Variants in TP63 observed in about 807,000 individuals in gnomAD.
The protein encoded by TP63 is tumor protein p63, also known as tumor protein 63.
TP63 carries 17 observed loss-of-function variants against 82.8 expected under a neutral mutation model. The observed-to-expected ratio is 0.21, with a 90% CI of 0.14 to 0.31. TP63 has a LOEUF of 0.31. Among genes scored for constraint, TP63 ranks in the 10% least tolerant of loss-of-function variants. The pLI, the probability that TP63 is intolerant of heterozygous loss-of-function variation, is 1.00. For missense variants in TP63, 648 were observed against 895.3 expected (o/e 0.72, Z 3.52); for synonymous variants, 330 against 321.7 (o/e 1.03, Z -0.28).
At chr3:189,755,888 G>A (rs1462954354) in intron 3 of TP63, among the ~76,000 whole-genome samples, 2 of 152,158 alleles carry the variant, frequency 1.3e-5, no homozygotes, top group Non-Finnish European at 2.9e-5. Context: ...AATTGCAATA[G>A]TGTCTCTCGA....
intron 1 of TP63, among the ~76,000 whole-genome samples, chr3:189,668,176 A>G (rs749012375): frequency 2.2e-4 from 33 of 152,160 alleles, no homozygotes; most frequent in Non-Finnish European, 4.0e-4. Context: ...AGTTTAAGGT[A>G]AATAGGCTAT....
intron 4 of TP63, among the ~76,000 whole-genome samples, chr3:189,841,630 A>G (rs939976766): frequency 6.6e-6 from 1 of 152,220 alleles, no homozygotes; most frequent in African/African-American, 2.4e-5. Flanking sequence ...ATCGCCAAGG[A>G]TACCTGAGTC....
At chr3:189,668,699 G>C (rs1438713514) in intron 1 of TP63, among the ~76,000 whole-genome samples, 1 of 151,964 alleles carries the variant, frequency 6.6e-6, no homozygotes, top group Non-Finnish European at 1.5e-5. Flanking sequence ...AGTGAGAAAG[G>C]GGTGAAAAAA....
chr3:189,605,716 T>C, the TP63 span, among the ~76,000 whole-genome samples: 1 of 152,298 alleles, frequency 6.6e-6, no homozygotes, highest in African/African-American at 2.4e-5. Context: ...AACAACTAAA[T>C]TCTTAGTAAA....
chr3:189,603,494 T>C, the TP63 span, among the ~76,000 whole-genome samples: 2 of 151,896 alleles, frequency 1.3e-5, no homozygotes, highest in Non-Finnish European at 2.9e-5. Context: ...GATTTCTTCC[T>C]CTGAGAGGGT....
At chr3:189,789,898 TG>T in intron 3 of TP63, 1 of 1,480,560 alleles carries the variant, frequency 6.8e-7, no homozygotes, top group Non-Finnish European at 9.0e-7. Context: ...TTTTTATTTT[TG>T]TAAAAAAACT....
intron 1 of TP63, among the ~76,000 whole-genome samples, chr3:189,695,279 G>A (rs1431367600): frequency 2.6e-5 from 4 of 151,546 alleles, no homozygotes; most frequent in Non-Finnish European, 5.9e-5. Flanking sequence ...TCCAGTTTTG[G>A]CCATTGAAAG....
chr3:189,777,451 T>C (rs1723888099), intron 3 of TP63, among the ~76,000 whole-genome samples: 1 of 152,032 alleles, frequency 6.6e-6, no homozygotes, highest in East Asian at 1.9e-4. Flanking sequence ...CCCGCCTCCG[T>C]CTCCCAAAAT....
intron 1 of TP63, among the ~76,000 whole-genome samples, chr3:189,661,028 C>T (rs553792172): frequency 5.3e-5 from 8 of 151,874 alleles, no homozygotes; most frequent in Admixed American, 5.3e-4. Flanking sequence ...CAAAGAGAGA[C>T]TTTGACTTCT....
intron 13 of TP63, 50 bp from the exon 14 acceptor site, chr3:189,894,156 C>T (rs751876559): frequency 6.2e-6 from 10 of 1,610,192 alleles, no homozygotes; most frequent in African/African-American, 1.3e-5. Flanking sequence ...ACTAAATGTC[C>T]GTTTTTCTCC....
intron 3 of TP63, among the ~76,000 whole-genome samples, chr3:189,762,618 G>T (rs1043543549): frequency 5.3e-5 from 8 of 152,222 alleles, no homozygotes; most frequent in Admixed American, 6.5e-5. Flanking sequence ...TGATTATTCA[G>T]TGGTTGGCTA....
At chr3:189,756,995 G>A (rs1722233407) in intron 3 of TP63, among the ~76,000 whole-genome samples, 1 of 152,156 alleles carries the variant, frequency 6.6e-6, no homozygotes, top group Non-Finnish European at 1.5e-5. Flanking sequence ...AATCTGATTT[G>A]TTTGAAGTAA....
chr3:189,886,441 T>C lies in TP63; in HGVS notation c.1397T>C (p.Leu466Pro), dbSNP rs760545564. Reference sequence around the variant, plus strand: ...TCATATGGTAACAGCTCCCCACCTCTGAACAAAATGAACAGCATGAACAAG... The same window carrying C: ...TCATATGGTAACAGCTCCCCACCTCCGAACAAAATGAACAGCATGAACAAG... ...PSSYGNSSPP[L>P]NKMNSMNKLP... is the part of the protein sequence containing the mutation. The change falls in exon 11 of 14, where the codon CTG becomes CCG. Residue 466 changes from leucine to proline, a missense_variant. Leu to Pro is a moderately conservative substitution (Grantham distance 98). This residue lies in a region of TP63 where 342 missense variants were observed against 425.7 expected (regional missense o/e 0.80). Coordinates refer to ENST00000264731, the MANE Select transcript of TP63 (RefSeq NM_003722.5). 2 of 1,614,098 alleles carry C rather than the reference T, an allele frequency of 1.2e-6. No homozygotes were observed. The highest frequency in any genetic ancestry group is 1.6e-4 in the Middle Eastern group (1 of 6,062).
chr3:189,683,540 C>G (rs1716157294), intron 1 of TP63, among the ~76,000 whole-genome samples: 1 of 152,202 alleles, frequency 6.6e-6, no homozygotes, highest in Non-Finnish European at 1.5e-5. Flanking sequence ...GCAGCAGACA[C>G]AGGAAACAGG....
intron 10 of TP63, among the ~76,000 whole-genome samples, chr3:189,873,916 A>G (rs780352973): frequency 7.2e-5 from 11 of 152,204 alleles, no homozygotes; most frequent in Admixed American, 1.3e-4. Context: ...TAGACTTTCA[A>G]CTTCATACTT....
At chr3:189,801,633 G>A (rs1207681982) in intron 3 of TP63, among the ~76,000 whole-genome samples, 1 of 152,064 alleles carries the variant, frequency 6.6e-6, no homozygotes, top group South Asian at 2.1e-4. Context: ...TGTGTCAAAT[G>A]TTTGTTGACA....
intron 3 of TP63, among the ~76,000 whole-genome samples, chr3:189,787,800 C>A (rs908040777): frequency 6.6e-6 from 1 of 151,922 alleles, no homozygotes; most frequent in Admixed American, 6.6e-5. Flanking sequence ...TCATTGATTC[C>A]CAAGCGTGAC....
At chr3:189,715,684 T>C (rs1011267203) in intron 1 of TP63, among the ~76,000 whole-genome samples, 5 of 152,326 alleles carry the variant, frequency 3.3e-5, no homozygotes, top group African/African-American at 9.6e-5. Flanking sequence ...CAGCTAGCCA[T>C]GTGAAGAATT....
chr3:189,851,372 C>T (rs1218244221), intron 4 of TP63, among the ~76,000 whole-genome samples: 1 of 151,724 alleles, frequency 6.6e-6, no homozygotes, highest in African/African-American at 2.4e-5. Flanking sequence ...CCAGCCTGGG[C>T]AACATGGGGG....
Sources: gnomAD v4.1 joint callset for allele counts (sites outside exome capture counted in the v4.1 genomes callset) on GRCh38, gnomAD v4.1.1 for gene constraint, gnomAD v4.1.1 regional missense constraint, MANE v1.5 for transcripts, NCBI Gene and HGNC (gene_info 2026-07-23, HGNC 2026-07-21) for gene names.